KLK6: variants seen among roughly 807,000 people sequenced by gnomAD.
The protein encoded by KLK6 is kallikrein related peptidase 6, also known as kallikrein-6.
KLK6 carries 16 observed loss-of-function variants against 21.7 expected under a neutral mutation model. The ratio of observed to expected loss-of-function variants is 0.74; its 90% CI spans 0.50 to 1.12. The LOEUF (loss-of-function observed/expected upper bound fraction) is 1.12, where lower values mean the gene tolerates loss of function less well. Among genes scored for constraint, KLK6 ranks in the 50% most tolerant of loss-of-function variants. The pLI is 0.00. For synonymous variants in KLK6, 116 were observed against 120.1 expected, an observed-to-expected ratio of 0.97 and a Z score of 0.22; for missense variants, 276 against 304.6, an observed-to-expected ratio of 0.91 and a Z score of 0.70.
rs2090762837 is a variant in KLK6, at chr19:50,959,126, G to C, written c.*38C>G. On this transcript the variant is annotated 3_prime_UTR_variant, in exon 7 of 7. Coordinates refer to ENST00000310157, the MANE Select transcript of KLK6 (RefSeq NM_002774.4). ...GAGAGACGTTCTGGAACCAGCCAGTGGGGTGGTAGGTCGGGAGGTAGATGT... is the reference window on the plus strand; with the variant it reads ...GAGAGACGTTCTGGAACCAGCCAGTCGGGTGGTAGGTCGGGAGGTAGATGT... The C allele has an allele frequency of 6.2e-7, 1 of 1,611,834 alleles. No individual in the cohort carries two copies. Among genetic ancestry groups the C allele is most frequent in the Admixed American group, 1.7e-5 (1 of 59,952 alleles).
chr19:50,967,958 C>T, intron 3 of KLK6, 107 bp downstream of exon 3: 5 of 995,852 alleles, frequency 5.0e-6, no homozygotes, highest in Non-Finnish European at 8.0e-6. Flanking sequence ...TTCAAAGCTC[C>T]CCCACCCCAA....
intron 6 of KLK6, among the ~76,000 whole-genome samples, chr19:50,961,537 C>G (rs1230041257): frequency 1.3e-5 from 2 of 152,210 alleles, no homozygotes; most frequent in Non-Finnish European, 2.9e-5. Flanking sequence ...CTGGCTGTGT[C>G]TTTATATCTC....
chr19:50,967,685 A>T (rs2090949260), intron 3 of KLK6, among the ~76,000 whole-genome samples: 1 of 144,412 alleles, frequency 6.9e-6, no homozygotes, highest in African/African-American at 2.6e-5. Context: ...AGCCTGGGTG[A>T]CAGAGTGAGA....
In KLK6 at chr19:50,963,529, C is replaced by A; in HGVS notation, c.218G>T (p.Gly73Val). Residue 73 changes from glycine (G) to valine (V), a missense_variant, in exon 5 of 7, where the codon GGG (glycine) becomes GTG (valine). Physicochemically the swap from Gly to Val is moderately radical, Grantham distance 109 (BLOSUM62 -3). Coordinates refer to ENST00000310157, the MANE Select transcript of KLK6 (RefSeq NM_002774.4). ...CTCCCTTTGCCGAAGGTTATGCTTC[C>A]CCAGGAAGACCTGAAGATTCCTGGG... Reference protein sequence around the residue: ...CKKPNLQVFLGKHNLRQRESS... With the variant: ...CKKPNLQVFLVKHNLRQRESS... 1 of 1,614,068 alleles carries A rather than the reference C, an allele frequency of 6.2e-7. No homozygotes were observed. Among genetic ancestry groups the A allele is most frequent in the Non-Finnish European group, 8.5e-7 (1 of 1,180,004 alleles).
At chr19:50,959,865 G>A (rs913546278) in intron 6 of KLK6, among the ~76,000 whole-genome samples, 7 of 29,856 alleles carry the variant, frequency 2.3e-4, no homozygotes, top group Admixed American at 7.3e-4. Flanking sequence ...AGGAGGAAGA[G>A]GAGGAGGAGG....
chr19:50,967,170 G>T lies in KLK6; in HGVS notation c.196C>A (p.Pro66Thr), dbSNP rs1273893455. ...WVLTAAHCKK[P>T]NLQVFLGKHN... ...TGTTCATTTACAGTGTAGACTCACG[G>T]TTTTTTGCAGTGGGCAGCTGTGAGG... The change falls in exon 4 of 7, where the codon CCG becomes ACG. Residue 66 changes from proline (P) to threonine (T), a missense_variant and splice_region_variant. By Grantham distance (38) the Pro-to-Thr change is conservative. Coordinates refer to ENST00000310157, the MANE Select transcript of KLK6 (RefSeq NM_002774.4). 2 of 1,612,612 alleles carry T rather than the reference G, an allele frequency of 1.2e-6. No individual in the cohort carries two copies. Among genetic ancestry groups the T allele is most frequent in the African/African-American group, 1.3e-5 (1 of 74,424 alleles).
chr19:50,961,875 A>G lies in KLK6; in HGVS notation c.451T>C (p.Phe151Leu). 1 of 1,613,262 alleles carries G rather than the reference A, an allele frequency of 6.2e-7. No individual in the cohort carries two copies. The highest frequency in any genetic ancestry group is 1.1e-5 in the South Asian group (1 of 91,010). The stretch of plus-strand genomic sequence containing the variant: ...TATGCACACTGGATGGTGTCAGGGA[A>G]ATCACCTGTTAGGGGAGAGATGGGC... ...LGWGKTADGD[F>L]PDTIQCAYIH... Residue 151 changes from phenylalanine to leucine, a missense_variant, in exon 6 of 7, where the codon TTC (phenylalanine) becomes CTC (leucine). By Grantham distance (22) the Phe-to-Leu change is conservative. Coordinates refer to ENST00000310157, the MANE Select transcript of KLK6 (RefSeq NM_002774.4).
At chr19:50,961,685 T>C in intron 6 of KLK6, 59 bp downstream of exon 6, 1 of 1,583,938 alleles carries the variant, frequency 6.3e-7, no homozygotes, top group Non-Finnish European at 8.6e-7. Flanking sequence ...TGTCTGGCCA[T>C]GTTTTTGTGA....
At position 50,967,552 on chromosome 19, in the gene KLK6, A is replaced by AC. The variant is rs1555781654; in HGVS notation, c.41-228_41-227insG. Among the ~76,000 whole-genome samples, 397 of 50,624 alleles carry AC rather than the reference A, an allele frequency of 7.8e-3. 2 individuals are homozygous for AC. The highest frequency in any genetic ancestry group is 0.02 in the Middle Eastern group (2 of 102). 33.2% of individuals were successfully genotyped at this position (50,624 alleles called of 152,430 possible). A position where few individuals can be genotyped will look rare whatever the true frequency, so the allele number is the denominator to read the frequency against. On this transcript the variant is annotated intron_variant, in intron 3 of 6. Transcript: ENST00000310157. ...ACACACACACACACACACACACACA[A>AC]ATTAGCAGGGTATGGTGGCATACGC...
chr19:50,968,712 GA>G (rs2090967381), intron 1 of KLK6, 121 bp from the exon 2 acceptor site: 1 of 156,632 alleles, frequency 6.4e-6, no homozygotes, highest in African/African-American at 2.4e-5. Context: ...GGGCTGCAGG[GA>G]CTGCCAGACA....
chr19:50,963,705 G>T (rs953786591), intron 4 of KLK6, 156 bp from the exon 5 acceptor site: 12 of 792,188 alleles, frequency 1.5e-5, no homozygotes, highest in Middle Eastern at 7.3e-4. Flanking sequence ...AATCTTGGGG[G>T]CTATTCTTCA....
In KLK6 at chr19:50,961,861, G is replaced by T. The variant is rs779738082; in HGVS notation, c.465C>A (p.Ile155=). The change falls in exon 6 of 7, where the codon ATC becomes ATA. Residue 155 remains isoleucine, a synonymous_variant. Transcript: ENST00000310157. ...ACACCAGGTGGATGTATGCACACTGGATGGTGTCAGGGAAATCACCTGTTA... is the reference window on the plus strand; with the variant it reads ...ACACCAGGTGGATGTATGCACACTGTATGGTGTCAGGGAAATCACCTGTTA... The part of the protein sequence containing the change: ...KTADGDFPDT[I]QCAYIHLVSR... The T allele has an allele frequency of 4.3e-6, 7 of 1,613,882 alleles. No homozygotes were observed. The East Asian group carries it at 1.6e-4, about 36-fold the overall frequency.
In KLK6 at chr19:50,959,197, C is replaced by T. The variant is rs372369976; in HGVS notation, c.702G>A (p.Thr234=). 35 of 1,613,862 alleles carry T rather than the reference C, an allele frequency of 2.2e-5. No individual in the cohort carries two copies. In the African/African-American group the frequency reaches 3.1e-4, roughly 14 times the overall value. ...PGVYTNVCRY[T]NWIQKTIQAK Reference sequence around the variant, plus strand: ...CCTGAATGGTTTTTTGGATCCAGTTCGTGTATCTGCAGACGTTGGTGTAGA... The same window carrying T: ...CCTGAATGGTTTTTTGGATCCAGTTTGTGTATCTGCAGACGTTGGTGTAGA... The change falls in exon 7 of 7, where the codon ACG becomes ACA. Residue 234 remains threonine (T), a synonymous_variant. Transcript: ENST00000310157.
rs769430408 is a variant in KLK6 at position 50,961,892 on chromosome 19, G to C, written c.446-12C>G. ...GTCAGGGAAATCACCTGTTAGGGGA[G>C]AGATGGGCCAGACTCAGCCCAGGCC... is the stretch of plus-strand genomic sequence containing the variant. On this transcript the variant is annotated splice_polypyrimidine_tract_variant and intron_variant, in intron 5 of 6. Coordinates refer to ENST00000310157, the MANE Select transcript of KLK6 (RefSeq NM_002774.4). 2 of 1,612,004 alleles carry C rather than the reference G, an allele frequency of 1.2e-6. No individual in the cohort carries two copies. The highest frequency in any genetic ancestry group is 1.3e-5 in the African/African-American group (1 of 74,880).
chr19:50,967,924 C>G (rs2090953165), intron 3 of KLK6, 141 bp downstream of exon 3: 1 of 670,178 alleles, frequency 1.5e-6, no homozygotes, highest in African/African-American at 1.8e-5. Flanking sequence ...CCACCCTTAG[C>G]CTAATCCCCA....
Position 50,963,515 on chromosome 19 carries a change from G to A in KLK6, c.232C>T (p.Arg78Trp), listed in dbSNP as rs61469141. The A allele has an allele frequency of 5.5e-3, 8,903 of 1,614,038 alleles. 422 individuals are homozygous for A. The African/African-American group carries it at 0.11, about 19-fold the overall frequency. The stretch of plus-strand genomic sequence containing the variant: ...TGCTCCTGGGAACTCTCCCTTTGCC[G>A]AAGGTTATGCTTCCCCAGGAAGACC... ...LQVFLGKHNLRQRESSQEQSS... is the reference protein window; with the variant it reads ...LQVFLGKHNLWQRESSQEQSS... The change falls in exon 5 of 7, where the codon CGG becomes TGG. Residue 78 changes from arginine to tryptophan, a missense_variant. Physicochemically the swap from Arg to Trp is moderately radical, Grantham distance 101. Transcript: ENST00000310157.
In KLK6 at chr19:50,958,685, G is replaced by T. The variant is rs1432197921; in HGVS notation, c.*479C>A. On this transcript the variant is annotated 3_prime_UTR_variant, in exon 7 of 7. Coordinates refer to ENST00000310157, the MANE Select transcript of KLK6 (RefSeq NM_002774.4). ...CATGGTGGCCCAGGTGCTATTCCAT[G>T]TATGTCATAGGTGTGAAACCTTAAA... 1 of 157,458 alleles carries T rather than the reference G, an allele frequency of 6.4e-6. No homozygotes were observed. Among genetic ancestry groups the T allele is most frequent in the Non-Finnish European group, 1.4e-5 (1 of 71,514 alleles). 9.8% of individuals were successfully genotyped at this position (157,458 alleles called of 1,614,324 possible).
At chr19:50,959,736 G>GGAGGAGGAGGAA (rs1318052272) in intron 6 of KLK6, among the ~76,000 whole-genome samples, 1 of 2,290 alleles carries the variant, frequency 4.4e-4, no homozygotes, top group African/African-American at 2.4e-3. Context: ...AGGAGGAAGA[G>GGAGGAGGAGGAA]GAGGAGGAGG....
chr19:50,968,232 T>C (rs1490052567), intron 2 of KLK6, 120 bp from the exon 3 acceptor site: 2 of 880,000 alleles, frequency 2.3e-6, no homozygotes, highest in Non-Finnish European at 3.9e-6. Flanking sequence ...TGCCTTGACC[T>C]CTGTCCTTCC....
Sources: gnomAD v4.1 joint callset for allele counts (sites outside exome capture counted in the v4.1 genomes callset) on GRCh38, gnomAD v4.1.1 for gene constraint, MANE v1.5 for transcripts, NCBI Gene and HGNC (gene_info 2026-07-23, HGNC 2026-07-21) for gene names.